The following CCDC22 variants were observed in gnomAD, a reference collection of about 807,000 sequenced individuals.
The protein encoded by CCDC22 is coiled-coil domain-containing protein 22.
CCDC22 carries 4 observed loss-of-function variants against 53.1 expected under a neutral mutation model. The observed-to-expected ratio is 0.08, with a 90% CI of 0.04 to 0.17. The LOEUF (loss-of-function observed/expected upper bound fraction) is 0.17, where lower values mean the gene tolerates loss of function less well. CCDC22 is among the 10% of genes least tolerant of loss of function. CCDC22 has a pLI of 1.00. For synonymous variants in CCDC22, 222 were observed against 224.4 expected, an observed-to-expected ratio of 0.99 and a Z score of 0.10; for missense variants, 458 against 554.0, an observed-to-expected ratio of 0.83 and a Z score of 1.74.
chrX:49,244,452 C>G (rs974692574), intron 6 of CCDC22, among the ~76,000 whole-genome samples: 1 of 110,964 alleles, frequency 9.0e-6, no homozygotes, highest in South Asian at 3.8e-4. Flanking sequence ...CTCTGTCCAC[C>G]TCTGTATCTG....
intron 6 of CCDC22, among the ~76,000 whole-genome samples, chrX:49,244,484 T>G (rs1163220133): frequency 9.0e-6 from 1 of 110,906 alleles, no homozygotes; most frequent in Non-Finnish European, 1.9e-5. Context: ...CTCTGTCCCC[T>G]TATCTCTCCC....
chrX:49,243,725 C>T (rs921328316), intron 6 of CCDC22, among the ~76,000 whole-genome samples: 1 of 112,771 alleles, frequency 8.9e-6, no homozygotes, highest in Middle Eastern at 4.7e-3. Context: ...AGTAGTTAGA[C>T]TGAATAATGT....
Position 49,247,783 on chromosome X carries a change from AG to A in CCDC22, c.1092+19del. On this transcript the variant is annotated intron_variant, in intron 9 of 16. Transcript: ENST00000376227. ...GCTTTGTGCAGGTAAGGGGCGGAGG[AG>A]GGGCTGCGCGTTGGGCTAGGTCAGA... The A allele has an allele frequency of 8.3e-7, 1 of 1,209,954 alleles. No individual in the cohort carries two copies. The highest frequency in any genetic ancestry group is 1.1e-6 in the Non-Finnish European group (1 of 894,695).
rs1004763936 is a variant in CCDC22, at chrX:49,245,851, T to C, written c.715-880T>C. 1.2e-4 allele frequency among the ~76,000 whole-genome samples: 13 copies of C among 112,672 alleles called. 1 individual carries two copies. Among genetic ancestry groups the C allele is most frequent in the Admixed American group, 3.8e-4 (4 of 10,650 alleles). On this transcript the variant is annotated intron_variant, in intron 6 of 16. Coordinates refer to ENST00000376227, the MANE Select transcript of CCDC22 (RefSeq NM_014008.5). ...TCATGTCATTTCAGCTCTAAATACT[T>C]AGGACTACATCTCTTAACTCATAAG...
chrX:49,236,299 C>T (rs1235184494), intron 1 of CCDC22, among the ~76,000 whole-genome samples: 1 of 109,197 alleles, frequency 9.2e-6, no homozygotes, highest in Non-Finnish European at 1.9e-5. Context: ...CCTCCGCCTC[C>T]CAGGTTCAAG....
chrX:49,235,823 C>T, intron 1 of CCDC22, 137 bp downstream of exon 1: 1 of 327,610 alleles, frequency 3.1e-6, no homozygotes, highest in Non-Finnish European at 5.4e-6. Context: ...ACCCTCACCC[C>T]CTTACACACA....
rs782378775 is a variant in CCDC22 at position 49,247,096 on chromosome X, C to G, written c.909+171C>G. On this transcript the variant is annotated intron_variant, in intron 7 of 16. Transcript: ENST00000376227. Reference sequence around the variant, plus strand: ...GAGGGGTCCCCTAGCTTATTAGGGACTTGACTGGAGAAAATGTGGATAGGT... The same window carrying G: ...GAGGGGTCCCCTAGCTTATTAGGGAGTTGACTGGAGAAAATGTGGATAGGT... The G allele has an allele frequency of 1.1e-5, 5 of 465,183 alleles. No individual in the cohort carries two copies. In the African/African-American group the frequency reaches 1.2e-4, roughly 11 times the overall value. The allele number at this position is 465,183 out of a possible 1,213,427, so 38.3% of individuals were successfully genotyped here. A position where few individuals can be genotyped will look rare whatever the true frequency, so the allele number is the denominator to read the frequency against.
rs782095393 is a variant in CCDC22, at chrX:49,248,176, G to A, written c.1093-15G>A. On this transcript the variant is annotated splice_polypyrimidine_tract_variant and intron_variant, in intron 9 of 16. Coordinates refer to ENST00000376227, the MANE Select transcript of CCDC22 (RefSeq NM_014008.5). Reference sequence around the variant, plus strand: ...CATGGGGGCTGTGGCATGTGACTGGGTATCCACCGGCCAGGCAGAGTCTGA... The same window carrying A: ...CATGGGGGCTGTGGCATGTGACTGGATATCCACCGGCCAGGCAGAGTCTGA... The A allele has an allele frequency of 5.0e-6, 6 of 1,200,389 alleles. No individual in the cohort carries two copies. Among genetic ancestry groups the A allele is most frequent in the South Asian group, 1.8e-5 (1 of 56,906 alleles).
At chrX:49,243,031 G>A (rs1243936497) in intron 4 of CCDC22, 39 bp downstream of exon 4, 10 of 1,134,753 alleles carry the variant, frequency 8.8e-6, no homozygotes, top group Middle Eastern at 2.4e-4. Context: ...TCTTGTCCCC[G>A]TCTGGGTGCC....
Position 49,237,324 on chromosome X carries a change from G to T in CCDC22, c.228+61G>T, listed in dbSNP as rs1451840799. On this transcript the variant is annotated intron_variant, in intron 2 of 16. Coordinates refer to ENST00000376227, the MANE Select transcript of CCDC22 (RefSeq NM_014008.5). ...TCTTCCTCTTTTACAAAGTAACCAA[G>T]TTCCTTTGCAACACTTGCCTTTCCT... 8.5e-6 allele frequency: 9 copies of T among 1,056,106 alleles called. No homozygotes were observed. In the East Asian group the frequency reaches 2.8e-4, roughly 33 times the overall value. 87.0% of individuals were successfully genotyped at this position (1,056,106 alleles called of 1,213,427 possible).
intron 15 of CCDC22, 40 bp downstream of exon 15, chrX:49,249,608 T>TTGGGGGGGGG: frequency 1.1e-5 from 1 of 92,452 alleles, no homozygotes; most frequent in Non-Finnish European, 2.0e-5. Context: ...CTGCTGGGGG[T>TTGGGGGGGGG]GGGTGGGACT....
intron 14 of CCDC22, 35 bp downstream of exon 14, chrX:49,249,297 A>T: frequency 9.5e-7 from 1 of 1,053,675 alleles, no homozygotes; most frequent in Non-Finnish European, 1.3e-6. Flanking sequence ...GAGTGGGGTG[A>T]GGCTGGGCTG....
At chrX:49,242,406 C>G (rs2065968348) in intron 3 of CCDC22, 1 of 636,029 alleles carries the variant, frequency 1.6e-6, no homozygotes, top group Admixed American at 8.9e-5. Flanking sequence ...TGTGCCCTCC[C>G]TCTCTCTCAC....
intron 2 of CCDC22, among the ~76,000 whole-genome samples, chrX:49,241,675 A>G: frequency 9.0e-6 from 1 of 110,923 alleles, no homozygotes; most frequent in East Asian, 2.9e-4. Context: ...ATGGGCTCCA[A>G]ATATTTTTTC....
At chrX:49,247,216 C>G (rs1487856843) in intron 7 of CCDC22, 1 of 437,901 alleles carries the variant, frequency 2.3e-6, no homozygotes, top group Admixed American at 4.0e-5. Flanking sequence ...AAGATGTTCA[C>G]TCTGAGGGCC....
chrX:49,249,615 G>GGT, intron 15 of CCDC22, 36 bp from the exon 16 acceptor site: 1 of 406,828 alleles, frequency 2.5e-6, no homozygotes, highest in Non-Finnish European at 4.5e-6. Context: ...GGGTGGGTGG[G>GGT]ACTGGGTGCA....
intron 1 of CCDC22, chrX:49,236,790 CAG>C (rs2065940089): frequency 3.7e-6 from 1 of 267,968 alleles, no homozygotes; most frequent in Admixed American, 6.2e-5. Context: ...CCAAGAAACC[CAG>C]AGATTGTGCC....
chrX:49,248,999 C>T, intron 13 of CCDC22, 75 bp downstream of exon 13: 2 of 1,164,967 alleles, frequency 1.7e-6, no homozygotes, highest in East Asian at 3.1e-5. Flanking sequence ...GACCTCACAC[C>T]CTCAGGCAGA....
chrX:49,243,439 C>A lies in CCDC22; in HGVS notation c.691C>A (p.Arg231=), dbSNP rs376161516. Residue 231 remains arginine (R), a synonymous_variant, in exon 6 of 17, where the codon CGG becomes AGG. Coordinates refer to ENST00000376227, the MANE Select transcript of CCDC22 (RefSeq NM_014008.5). ...DRPGDEDWVH[R]TSRLPPQEDT... ...GCCAGGGGATGAGGACTGGGTCCACCGGACATCCCGCCTCCCACCCCAGGT... is the reference window on the plus strand; with the variant it reads ...GCCAGGGGATGAGGACTGGGTCCACAGGACATCCCGCCTCCCACCCCAGGT... The A allele has an allele frequency of 9.3e-6, 11 of 1,181,416 alleles. No individual in the cohort carries two copies. The highest frequency in any genetic ancestry group is 1.3e-5 in the Non-Finnish European group (11 of 879,641).
Sources: gnomAD v4.1 joint callset for allele counts (sites outside exome capture counted in the v4.1 genomes callset) on GRCh38, gnomAD v4.1.1 for gene constraint, MANE v1.5 for transcripts, NCBI Gene and HGNC (gene_info 2026-07-23, HGNC 2026-07-21) for gene names.